WDPCP: variants seen among roughly 807,000 people sequenced by gnomAD.
WDPCP encodes the protein WD repeat containing planar cell polarity effector, also known as WD repeat-containing and planar cell polarity effector protein fritz homolog.
Under a neutral mutation model 93.1 loss-of-function variants are expected in WDPCP, and 71 were observed. That is an observed-to-expected ratio of 0.76 (90% CI 0.63 to 0.93). The LOEUF (loss-of-function observed/expected upper bound fraction) is 0.93. Ranked by LOEUF, WDPCP falls within the 40% of genes least tolerant of loss-of-function variation. WDPCP has a pLI of 0.00. For synonymous variants in WDPCP, 315 were observed against 315.0 expected (o/e 1.00, Z 0.00); for missense variants, 844 against 887.4 (o/e 0.95, Z 0.62).
chr2:63,487,368 G>T, intron 3 of WDPCP, 79 bp downstream of exon 3: 1 of 1,025,468 alleles, frequency 9.8e-7, no homozygotes, highest in South Asian at 1.4e-5. Flanking sequence ...CTCATGAGAA[G>T]AGAGCTTTTA....
intron 1 of WDPCP, among the ~76,000 whole-genome samples, chr2:63,561,253 C>T (rs148024279): frequency 1.2e-4 from 18 of 151,956 alleles, no homozygotes; most frequent in South Asian, 2.1e-4. Flanking sequence ...CCGAGGTAGG[C>T]GGATCATGAG....
At chr2:63,222,642 G>A (rs1677939493) in intron 14 of WDPCP, among the ~76,000 whole-genome samples, 1 of 152,160 alleles carries the variant, frequency 6.6e-6, no homozygotes, top group Non-Finnish European at 1.5e-5. Flanking sequence ...AGTGCCTGGA[G>A]GTGAAGCTTA....
intron 14 of WDPCP, among the ~76,000 whole-genome samples, chr2:63,211,965 C>A (rs1676854617): frequency 6.6e-6 from 1 of 152,198 alleles, no homozygotes; most frequent in African/African-American, 2.4e-5. Flanking sequence ...AATATGGGGA[C>A]TATGTGAAAA....
intron 17 of WDPCP, among the ~76,000 whole-genome samples, chr2:63,128,270 CAA>C (rs1670054554): frequency 6.6e-6 from 1 of 152,064 alleles, no homozygotes; most frequent in Admixed American, 6.5e-5. Context: ...TGGGAGGAAA[CAA>C]GAGGTTTGCC....
At chr2:63,165,404 G>A (rs1012326601) in intron 15 of WDPCP, among the ~76,000 whole-genome samples, 1 of 151,940 alleles carries the variant, frequency 6.6e-6, no homozygotes, top group African/African-American at 2.4e-5. Flanking sequence ...CCAAGTGTTG[G>A]ATTTTTTTCA....
chr2:63,589,224 G>A (rs565355877), upstream of WDPCP: 1 of 1,567,178 alleles, frequency 6.4e-7, no homozygotes, highest in East Asian at 2.4e-5. Context: ...GGAAGGGATT[G>A]ATTTCCACCT....
chr2:63,370,373 C>T (rs922896843), intron 12 of WDPCP, among the ~76,000 whole-genome samples: 2 of 152,074 alleles, frequency 1.3e-5, no homozygotes, highest in African/African-American at 4.8e-5. Flanking sequence ...TTTCCCTAAC[C>T]AAGGGTCTGT....
chr2:63,587,177 C>T (rs1708902906), intron 1 of WDPCP, among the ~76,000 whole-genome samples: 1 of 152,142 alleles, frequency 6.6e-6, no homozygotes, highest in South Asian at 2.1e-4. Flanking sequence ...GGACTAGACA[C>T]ATAAATTTGA....
chr2:63,301,284 C>G (rs1278204406), intron 13 of WDPCP, among the ~76,000 whole-genome samples: 1 of 152,168 alleles, frequency 6.6e-6, no homozygotes, highest in Non-Finnish European at 1.5e-5. Flanking sequence ...TTGATACTGT[C>G]CCATCAGCAG....
chr2:63,185,156 G>T (rs1394836589), intron 14 of WDPCP, among the ~76,000 whole-genome samples: 2 of 151,980 alleles, frequency 1.3e-5, no homozygotes, highest in Non-Finnish European at 2.9e-5. Flanking sequence ...TTGGTTTTTG[G>T]ATTTCTTTTG....
chr2:63,382,514 CTTT>C (rs959381421), intron 10 of WDPCP, among the ~76,000 whole-genome samples: 1 of 151,914 alleles, frequency 6.6e-6, no homozygotes, highest in African/African-American at 2.4e-5. Flanking sequence ...GTTACAAAAT[CTTT>C]TTTTCTTCAA....
At chr2:63,388,904 A>T (rs563851424) in intron 10 of WDPCP, among the ~76,000 whole-genome samples, 1 of 152,230 alleles carries the variant, frequency 6.6e-6, no homozygotes, top group Admixed American at 6.5e-5. Context: ...CTATGTAAAA[A>T]GACCAAATCT....
chr2:63,180,800 A>T (rs1430803213), intron 14 of WDPCP, among the ~76,000 whole-genome samples: 12 of 152,180 alleles, frequency 7.9e-5, no homozygotes. Flanking sequence ...TCCCACTAAC[A>T]GTGTGTAAGT....
intron 17 of WDPCP, among the ~76,000 whole-genome samples, chr2:63,123,833 TTTTA>T (rs1198510407): frequency 2.0e-5 from 3 of 151,362 alleles, no homozygotes; most frequent in Non-Finnish European, 3.0e-5. Context: ...TTTCTCCACG[TTTTA>T]TTTATTTATT....
intron 14 of WDPCP, among the ~76,000 whole-genome samples, chr2:63,203,775 T>C (rs1676104998): frequency 1.3e-5 from 2 of 152,202 alleles, no homozygotes; most frequent in South Asian, 4.1e-4. Flanking sequence ...CTCTCTGAGT[T>C]CCATCATTTT....
intron 9 of WDPCP, among the ~76,000 whole-genome samples, chr2:63,424,897 G>C (rs180842566): frequency 6.6e-6 from 1 of 152,198 alleles, no homozygotes; most frequent in Non-Finnish European, 1.5e-5. Context: ...CAAGGCCCGG[G>C]AATGGATCTG....
intron 13 of WDPCP, among the ~76,000 whole-genome samples, chr2:63,296,106 TA>T (rs768080789): frequency 1.7e-4 from 26 of 152,000 alleles, no homozygotes; most frequent in Non-Finnish European, 3.4e-4. Flanking sequence ...AAGTGGGCTT[TA>T]TTCCAGGGAT....
intron 2 of WDPCP, among the ~76,000 whole-genome samples, chr2:63,812,323 ACCTAGAT>A (rs2104092616): frequency 6.6e-6 from 1 of 152,288 alleles, no homozygotes; most frequent in South Asian, 2.1e-4. Flanking sequence ...ATTGCTGGGC[ACCTAGAT>A]TGATTCCATG....
At chr2:63,315,489 A>G (rs988685243) in intron 12 of WDPCP, among the ~76,000 whole-genome samples, 3 of 152,228 alleles carry the variant, frequency 2.0e-5, no homozygotes, top group Admixed American at 6.5e-5. Context: ...TCAAACAAGT[A>G]TGAGTTCATA....
Sources: gnomAD v4.1 joint callset for allele counts (sites outside exome capture counted in the v4.1 genomes callset) on GRCh38, gnomAD v4.1.1 for gene constraint, MANE v1.5 for transcripts, NCBI Gene and HGNC (gene_info 2026-07-23, HGNC 2026-07-21) for gene names.